Variants in B3GALT1 observed in about 807,000 individuals in gnomAD.
The protein encoded by B3GALT1 is UDP-Gal:betaGlcNAc beta 1,3-galactosyltransferase, polypeptide 1.
A neutral mutation model predicts 23.2 loss-of-function variants in B3GALT1; 10 were observed. That is an observed-to-expected ratio of 0.43 (90% CI 0.27 to 0.73). The LOEUF is 0.73. Ranked by LOEUF, B3GALT1 falls within the 30% of genes least tolerant of loss-of-function variation. The pLI is 0.21. For synonymous variants in B3GALT1, 156 were observed against 141.5 expected, an observed-to-expected ratio of 1.10 and a Z score of -0.73; for missense variants, 299 against 405.4, an observed-to-expected ratio of 0.74 and a Z score of 2.25.
At chr2:167,780,505 A>G (rs530945333) in intron 3 of B3GALT1, among the ~76,000 whole-genome samples, 1 of 152,344 alleles carries the variant, frequency 6.6e-6, no homozygotes, top group South Asian at 2.1e-4. Flanking sequence ...GTCAATTCCA[A>G]CAACACTACT....
rs550057179 is a variant in B3GALT1, at chr2:167,524,537, G to A, written c.-410+34260G>A. On this transcript the variant is annotated intron_variant, in intron 2 of 4. Transcript: ENST00000392690. ...GTCAACTCAATTGATTATCTTGTTA[G>A]CAGAATACTAATCAAAACTTTGTTA... Among the ~76,000 whole-genome samples the A allele has an allele frequency of 1.4e-3, 213 of 152,264 alleles. 1 individual carries two copies. The highest frequency in any genetic ancestry group is 2.7e-3 in the Non-Finnish European group (186 of 68,012).
intron 1 of B3GALT1, among the ~76,000 whole-genome samples, chr2:167,321,258 C>T (rs1443728170): frequency 1.3e-5 from 2 of 151,908 alleles, no homozygotes; most frequent in African/African-American, 4.8e-5. Flanking sequence ...AAATGTAGTA[C>T]TTATAACATT....
chr2:167,541,138 A>G (rs955230715), intron 2 of B3GALT1, among the ~76,000 whole-genome samples: 2 of 152,058 alleles, frequency 1.3e-5, no homozygotes, highest in African/African-American at 4.8e-5. Context: ...CAAACCTCCT[A>G]CTTCTTTTTC....
chr2:167,294,328 C>G (rs1306262169), intron 1 of B3GALT1, among the ~76,000 whole-genome samples: 1 of 152,248 alleles, frequency 6.6e-6, no homozygotes, highest in African/African-American at 2.4e-5. Context: ...GTTAACCACG[C>G]AGAGTAACCA....
chr2:167,828,814 T>C (rs1040458860), intron 4 of B3GALT1, among the ~76,000 whole-genome samples: 2 of 152,294 alleles, frequency 1.3e-5, no homozygotes, highest in African/African-American at 4.8e-5. Context: ...AACGGGCCTA[T>C]AGAGGTTGCA....
At chr2:167,685,625 A>T (rs1457875092) in intron 3 of B3GALT1, among the ~76,000 whole-genome samples, 1 of 152,218 alleles carries the variant, frequency 6.6e-6, no homozygotes, top group East Asian at 1.9e-4. Flanking sequence ...GAAGGTAGAG[A>T]ATAGAGAGTG....
chr2:167,324,644 A>G (rs959751408), intron 1 of B3GALT1, among the ~76,000 whole-genome samples: 32 of 152,274 alleles, frequency 2.1e-4, no homozygotes, highest in Admixed American at 1.8e-3. Flanking sequence ...TGTTACGTAC[A>G]TAGATGTGTA....
intron 3 of B3GALT1, among the ~76,000 whole-genome samples, chr2:167,690,813 A>G (rs958308017): frequency 2.0e-5 from 3 of 152,124 alleles, no homozygotes; most frequent in Admixed American, 1.3e-4. Context: ...TATTTGTTCA[A>G]TAGAAGCTTT....
At chr2:167,313,758 G>A (rs552192125) in intron 1 of B3GALT1, among the ~76,000 whole-genome samples, 5 of 152,280 alleles carry the variant, frequency 3.3e-5, no homozygotes, top group African/African-American at 1.2e-4. Flanking sequence ...GATCCTGACA[G>A]ATGCACAACA....
At chr2:167,405,926 T>C (rs1428924061) in intron 1 of B3GALT1, among the ~76,000 whole-genome samples, 2 of 152,104 alleles carry the variant, frequency 1.3e-5, no homozygotes, top group African/African-American at 2.4e-5. Flanking sequence ...AAATGAAGTA[T>C]GTAAACATGA....
chr2:167,457,441 G>A (rs971407800), intron 1 of B3GALT1, among the ~76,000 whole-genome samples: 4 of 151,830 alleles, frequency 2.6e-5, no homozygotes, highest in African/African-American at 9.7e-5. Context: ...CCAAAGTGCC[G>A]GGATTATAGA....
chr2:167,424,342 T>C (rs1355522072), intron 1 of B3GALT1, among the ~76,000 whole-genome samples: 2 of 152,208 alleles, frequency 1.3e-5, no homozygotes, highest in African/African-American at 2.4e-5. Context: ...TATAGGCATC[T>C]AAAAATGGTG....
At chr2:167,417,386 A>G (rs1698487506) in intron 1 of B3GALT1, among the ~76,000 whole-genome samples, 1 of 152,214 alleles carries the variant, frequency 6.6e-6, no homozygotes, top group Admixed American at 6.5e-5. Flanking sequence ...CCCAGTTCCC[A>G]TCAGCTAGAA....
intron 2 of B3GALT1, among the ~76,000 whole-genome samples, chr2:167,600,526 C>G (rs1413358286): frequency 3.3e-5 from 5 of 152,204 alleles, no homozygotes; most frequent in Non-Finnish European, 5.9e-5. Flanking sequence ...GGTACCGCTC[C>G]ACCATCCTCC....
intron 2 of B3GALT1, among the ~76,000 whole-genome samples, chr2:167,572,500 G>A (rs1295528608): frequency 6.6e-6 from 1 of 151,692 alleles, no homozygotes; most frequent in Non-Finnish European, 1.5e-5. Flanking sequence ...CATTAAATTT[G>A]CCACAAACTG....
chr2:167,620,541 A>G (rs1685236861), intron 2 of B3GALT1, among the ~76,000 whole-genome samples: 1 of 151,986 alleles, frequency 6.6e-6, no homozygotes, highest in Admixed American at 6.6e-5. Context: ...ATATTTGCAA[A>G]TCTCATATTT....
intron 3 of B3GALT1, among the ~76,000 whole-genome samples, chr2:167,669,297 A>T (rs890164914): frequency 6.6e-6 from 1 of 152,250 alleles, no homozygotes; most frequent in African/African-American, 2.4e-5. Flanking sequence ...CATGAAAATA[A>T]GTAATGGATA....
At chr2:167,409,934 C>A (rs994728837) in intron 1 of B3GALT1, among the ~76,000 whole-genome samples, 4 of 151,920 alleles carry the variant, frequency 2.6e-5, no homozygotes, top group African/African-American at 7.3e-5. Flanking sequence ...TGGGTATATA[C>A]CCAAAGGATG....
intron 2 of B3GALT1, among the ~76,000 whole-genome samples, chr2:167,612,581 C>T (rs1208706831): frequency 6.6e-6 from 1 of 151,662 alleles, no homozygotes; most frequent in Non-Finnish European, 1.5e-5. Context: ...TTCTTTGTGT[C>T]TTGAAATCTG....
Sources: allele counts gnomAD v4.1 joint callset (sites outside exome capture counted in the v4.1 genomes callset), GRCh38; gene constraint gnomAD v4.1.1; transcripts MANE v1.5; gene names NCBI Gene and HGNC (gene_info 2026-07-23, HGNC 2026-07-21).